Variants in MACC1 observed in about 807,000 individuals in gnomAD.
MACC1 encodes metastasis-associated in colon cancer protein 1.
In MACC1, 79 loss-of-function variants were observed where a neutral mutation model predicts 70.7. That is an observed-to-expected ratio of 1.12 (90% CI 0.93 to 1.35). The LOEUF (loss-of-function observed/expected upper bound fraction) is 1.35, where lower values mean the gene tolerates loss of function less well. Among genes scored for constraint, MACC1 ranks in the 40% most tolerant of loss-of-function variants. The pLI, the probability that MACC1 is intolerant of heterozygous loss-of-function variation, is 0.00. For missense variants in MACC1, 1,106 were observed against 978.1 expected, an observed-to-expected ratio of 1.13 and a Z score of -1.74; for synonymous variants, 361 against 347.2, an observed-to-expected ratio of 1.04 and a Z score of -0.44.
rs1781731152 is a variant in MACC1 at position 20,137,245 on chromosome 7, C to CTGAT, written c.*3697_*3700dup. ...GCATGTTCACATTACACATTCAAGG[C>CTGAT]TGATTAGTAGCAGCAGTGTTTCTCA... On this transcript the variant is annotated 3_prime_UTR_variant, in exon 7 of 7. Coordinates refer to ENST00000400331, the MANE Select transcript of MACC1 (RefSeq NM_182762.4). 6.6e-6 allele frequency: 1 copy of CTGAT among 152,142 alleles called. No individual in the cohort carries two copies. The highest frequency in any genetic ancestry group is 2.4e-5 in the African/African-American group (1 of 41,434). 9.4% of individuals were successfully genotyped at this position (152,142 alleles called of 1,614,324 possible). A position where few individuals can be genotyped will look rare whatever the true frequency, so the allele number is the denominator to read the frequency against.
chr7:20,159,630 C>T lies in MACC1; in HGVS notation c.731G>A (p.Gly244Glu), dbSNP rs931759000. 4.3e-6 allele frequency: 7 copies of T among 1,614,152 alleles called. No individual in the cohort carries two copies. The highest frequency in any genetic ancestry group is 5.9e-6 in the Non-Finnish European group (7 of 1,180,020). Residue 244 changes from glycine (G) to glutamate (E), a missense_variant, in exon 5 of 7, where the codon GGA becomes GAA. By Grantham distance (98) the Gly-to-Glu change is moderately conservative. Coordinates refer to ENST00000400331, the MANE Select transcript of MACC1 (RefSeq NM_182762.4). Reference sequence around the variant, plus strand: ...CCTTAGAGACACCTCTTGGAATTCTCCCACAGCCACATGACCTTGGGGCAC... The same window carrying T: ...CCTTAGAGACACCTCTTGGAATTCTTCCACAGCCACATGACCTTGGGGCAC... ...VHVPQGHVAV[G>E]EFQEVSLRAF...
rs904747429 is a variant in MACC1 at position 20,137,145 on chromosome 7, A to G, written c.*3801T>C. ...CAATTACAGAAAACATAACAATAGC[A>G]CAATATAAAAATTCAAGTCCTTCAA... On this transcript the variant is annotated 3_prime_UTR_variant, in exon 7 of 7. Coordinates refer to ENST00000400331, the MANE Select transcript of MACC1 (RefSeq NM_182762.4). 2.6e-5 allele frequency: 4 copies of G among 152,230 alleles called. No homozygotes were observed. The highest frequency in any genetic ancestry group is 5.9e-5 in the Non-Finnish European group (4 of 68,004). 9.4% of individuals were successfully genotyped at this position (152,230 alleles called of 1,614,324 possible).
chr7:20,177,530 T>C lies in MACC1; in HGVS notation c.-217-6752A>G, dbSNP rs116955971. Reference sequence around the variant, plus strand: ...ATTTTCTTAGGATTTTTTCTTTGTTTTTCTCTGGTGTTTCTCTTTATCCCT... The same window carrying C: ...ATTTTCTTAGGATTTTTTCTTTGTTCTTCTCTGGTGTTTCTCTTTATCCCT... On this transcript the variant is annotated intron_variant, in intron 1 of 6. Transcript: ENST00000400331. 6.0e-3 allele frequency among the ~76,000 whole-genome samples: 919 copies of C among 152,232 alleles called. 5 individuals are homozygous for C. Among genetic ancestry groups the C allele is most frequent in the Middle Eastern group, 0.024 (7 of 294 alleles).
intron 1 of MACC1, among the ~76,000 whole-genome samples, chr7:20,173,939 T>C (rs967415669): frequency 1.3e-5 from 2 of 152,134 alleles, no homozygotes; most frequent in African/African-American, 2.4e-5. Context: ...CTGCTTCCTT[T>C]GGGTATATAG....
At chr7:20,157,766 CAA>C (rs370288319) in intron 5 of MACC1, among the ~76,000 whole-genome samples, 7 of 53,930 alleles carry the variant, frequency 1.3e-4, no homozygotes, top group Admixed American at 4.0e-4. Context: ...GACTTTGTCT[CAA>C]AAAAAAAAAA....
intron 6 of MACC1, among the ~76,000 whole-genome samples, chr7:20,146,387 A>C (rs534480639): frequency 1.5e-4 from 23 of 152,220 alleles, no homozygotes; most frequent in Non-Finnish European, 1.6e-4. Context: ...AGGCAGAGAC[A>C]TAAGAGGTAA....
At chr7:20,192,972 G>C (rs1782695064) in intron 1 of MACC1, among the ~76,000 whole-genome samples, 1 of 152,270 alleles carries the variant, frequency 6.6e-6, no homozygotes, top group South Asian at 2.1e-4. Flanking sequence ...TCCCTTCAAG[G>C]TGGAAAGTTC....
At chr7:20,164,659 TC>T (rs1212116146) in intron 2 of MACC1, among the ~76,000 whole-genome samples, 4 of 152,178 alleles carry the variant, frequency 2.6e-5, no homozygotes, top group Non-Finnish European at 4.4e-5. Flanking sequence ...ACCTCAAATT[TC>T]CTGGCAGACC....
intron 1 of MACC1, among the ~76,000 whole-genome samples, chr7:20,183,803 G>C (rs561237590): frequency 6.6e-6 from 1 of 151,478 alleles, no homozygotes; most frequent in South Asian, 2.1e-4. Flanking sequence ...CCGTTCCCGG[G>C]TTCAAGCAAT....
intron 1 of MACC1, among the ~76,000 whole-genome samples, chr7:20,211,976 A>C (rs566290899): frequency 6.6e-6 from 1 of 152,344 alleles, no homozygotes; most frequent in African/African-American, 2.4e-5. Context: ...AAAATTTTCA[A>C]ACATTCAAAA....
In MACC1 at chr7:20,169,437, G is replaced by A. The variant is rs17142526; in HGVS notation, c.-153+1277C>T. 5.0e-3 allele frequency among the ~76,000 whole-genome samples: 758 copies of A among 152,308 alleles called. 10 individuals carry two copies. The highest frequency in any genetic ancestry group is 0.017 in the African/African-American group (692 of 41,566). On this transcript the variant is annotated intron_variant, in intron 2 of 6. Coordinates refer to ENST00000400331, the MANE Select transcript of MACC1 (RefSeq NM_182762.4). ...AAGATCAACCCCCAATTCAGAAGGGGTGGACAAGACGTGGGTTTATAGTGT... is the reference window on the plus strand; with the variant it reads ...AAGATCAACCCCCAATTCAGAAGGGATGGACAAGACGTGGGTTTATAGTGT...
chr7:20,190,806 T>C (rs1375493939), intron 1 of MACC1, among the ~76,000 whole-genome samples: 1 of 152,240 alleles, frequency 6.6e-6, no homozygotes, highest in Non-Finnish European at 1.5e-5. Context: ...ACTTCAGCTG[T>C]TATAAAATGC....
chr7:20,193,782 C>CTTTT (rs66625746), intron 1 of MACC1, among the ~76,000 whole-genome samples: 5 of 142,518 alleles, frequency 3.5e-5, no homozygotes, highest in Admixed American at 7.0e-5. Context: ...TCTATTCCTT[C>CTTTT]TTTTTTTTTT....
chr7:20,146,433 T>C (rs1781892582), intron 6 of MACC1, among the ~76,000 whole-genome samples: 2 of 152,294 alleles, frequency 1.3e-5, no homozygotes, highest in East Asian at 3.9e-4. Flanking sequence ...CTCTATGAAA[T>C]TTGCCCTAAA....
chr7:20,192,495 A>T (rs73685449), intron 1 of MACC1, among the ~76,000 whole-genome samples: 6,021 of 152,230 alleles, frequency 0.04, 234 homozygotes, highest in African/African-American at 0.097. Flanking sequence ...CCTGACTTCT[A>T]GTCATCCCCT....
intron 1 of MACC1, among the ~76,000 whole-genome samples, chr7:20,213,438 G>A (rs1562605746): frequency 6.6e-6 from 1 of 152,118 alleles, no homozygotes; most frequent in Non-Finnish European, 1.5e-5. Flanking sequence ...TATAACCAAA[G>A]GAATATGAAT....
rs1465488570 is a variant in MACC1, at chr7:20,157,654, A to AG, written c.2157+549_2157+550insC. On this transcript the variant is annotated intron_variant, in intron 5 of 6. Transcript: ENST00000400331. ...AAAAAAAATACCCAGGCATGGCGGCACATGCCTGCAGTCTGAGTTACTTGG... is the reference window on the plus strand; with the variant it reads ...AAAAAAAATACCCAGGCATGGCGGCAGCATGCCTGCAGTCTGAGTTACTTGG... Among the ~76,000 whole-genome samples the AG allele has an allele frequency of 9.2e-4, 138 of 150,812 alleles. 1 individual carries two copies. Among genetic ancestry groups the AG allele is most frequent in the African/African-American group, 3.3e-3 (134 of 41,156 alleles).
At chr7:20,188,131 A>G (rs909465343) in intron 1 of MACC1, among the ~76,000 whole-genome samples, 3 of 152,160 alleles carry the variant, frequency 2.0e-5, no homozygotes, top group Non-Finnish European at 2.9e-5. Context: ...TCTCAAGAAG[A>G]GCACAGGAAA....
At chr7:20,194,046 C>T (rs1782712762) in intron 1 of MACC1, among the ~76,000 whole-genome samples, 1 of 152,112 alleles carries the variant, frequency 6.6e-6, no homozygotes, top group African/African-American at 2.4e-5. Context: ...GGTGACTCCT[C>T]ACTTGCTGGG....
Sources: allele counts gnomAD v4.1 joint callset (sites outside exome capture counted in the v4.1 genomes callset), GRCh38; gene constraint gnomAD v4.1.1; transcripts MANE v1.5; gene names NCBI Gene and HGNC (gene_info 2026-07-23, HGNC 2026-07-21).